DOK6: variants seen among roughly 807,000 people sequenced by gnomAD.
The protein encoded by DOK6 is docking protein 6.
In DOK6, 22 loss-of-function variants were observed where a neutral mutation model predicts 44.0. That is an observed-to-expected ratio of 0.50 (90% CI 0.36 to 0.71). The LOEUF is 0.71. Ranked by LOEUF, DOK6 falls within the 30% of genes least tolerant of loss-of-function variation. DOK6 has a pLI of 0.00. For missense variants in DOK6, 340 were observed against 416.4 expected (o/e 0.82, Z 1.60); for synonymous variants, 166 against 145.5 (o/e 1.14, Z -1.01).
chr18:69,469,880 G>A lies in DOK6; in HGVS notation c.66+68570G>A, dbSNP rs1053961229. ...ACTGTTTGTGCCGACCCTTCCCCAG[G>A]AAGTGACGGCATCTGCTTCTGGGTC... On this transcript the variant is annotated intron_variant, in intron 1 of 7. Coordinates refer to ENST00000382713, the MANE Select transcript of DOK6 (RefSeq NM_152721.6). 3.0e-5 allele frequency: 7 copies of A among 234,580 alleles called. No homozygotes were observed. In the East Asian group the frequency reaches 4.8e-4, roughly 16 times the overall value. 14.5% of individuals were successfully genotyped at this position (234,580 alleles called of 1,614,324 possible).
At chr18:69,811,023 ACAG>A (rs1472734662) in intron 7 of DOK6, among the ~76,000 whole-genome samples, 4 of 152,084 alleles carry the variant, frequency 2.6e-5, no homozygotes, top group African/African-American at 9.7e-5. Context: ...AGCATTATTC[ACAG>A]TAGCTAAGAT....
intron 1 of DOK6, among the ~76,000 whole-genome samples, chr18:69,458,140 A>G (rs897298522): frequency 6.6e-6 from 1 of 152,214 alleles, no homozygotes; most frequent in Non-Finnish European, 1.5e-5. Context: ...CCTGGGCAAC[A>G]AGAGCAAACC....
chr18:69,794,050 G>C (rs959485020), intron 7 of DOK6, among the ~76,000 whole-genome samples: 2 of 152,098 alleles, frequency 1.3e-5, no homozygotes, highest in Non-Finnish European at 2.9e-5. Context: ...TACTCAGAGT[G>C]ATAAACGACA....
intron 5 of DOK6, among the ~76,000 whole-genome samples, chr18:69,724,467 T>C (rs1978296458): frequency 6.6e-6 from 1 of 152,236 alleles, no homozygotes; most frequent in African/African-American, 2.4e-5. Flanking sequence ...ATTTACAATA[T>C]GCAGCCAAGG....
rs1022946695 is a variant in DOK6, at chr18:69,665,378, C to G, written c.290-12356C>G. Among the ~76,000 whole-genome samples, 9 of 152,200 alleles carry G rather than the reference C, an allele frequency of 5.9e-5. 1 individual carries two copies. Among genetic ancestry groups the G allele is most frequent in the Non-Finnish European group, 1.2e-4 (8 of 68,000 alleles). ...ATGGGATAGACAGTTTCAGAGCCTC[C>G]TTGCTATGTGGAATGAGGTATTTGA... On this transcript the variant is annotated intron_variant, in intron 3 of 7. Coordinates refer to ENST00000382713, the MANE Select transcript of DOK6 (RefSeq NM_152721.6).
At chr18:69,839,989 G>A (rs1982169176) in intron 7 of DOK6, among the ~76,000 whole-genome samples, 1 of 152,116 alleles carries the variant, frequency 6.6e-6, no homozygotes, top group Admixed American at 6.5e-5. Context: ...TGGTTCTACC[G>A]CTAAGTGGTT....
intron 1 of DOK6, chr18:69,469,443 CT>C (rs71176968): frequency 0.6 from 87,199 of 146,214 alleles, 26,601 homozygotes; most frequent in East Asian, 0.8. Flanking sequence ...ATAATTACGG[CT>C]TTTTTTTTTT....
chr18:69,721,807 A>G (rs1251002686), intron 5 of DOK6, among the ~76,000 whole-genome samples: 1 of 152,240 alleles, frequency 6.6e-6, no homozygotes, highest in East Asian at 1.9e-4. Context: ...TCCAGTTACA[A>G]AAGACAACCT....
chr18:69,720,579 C>CT (rs1418975439), intron 5 of DOK6, among the ~76,000 whole-genome samples: 1 of 152,148 alleles, frequency 6.6e-6, no homozygotes, highest in Non-Finnish European at 1.5e-5. Context: ...TGAAAGTCTT[C>CT]ATCAAATTTT....
At chr18:69,537,853 T>C (rs1171840804) in intron 1 of DOK6, among the ~76,000 whole-genome samples, 8 of 152,218 alleles carry the variant, frequency 5.3e-5, no homozygotes, top group Non-Finnish European at 1.0e-4. Flanking sequence ...TAAAAGTATA[T>C]TGACATAACA....
At chr18:69,676,250 A>C (rs904452781) in intron 3 of DOK6, among the ~76,000 whole-genome samples, 1 of 152,248 alleles carries the variant, frequency 6.6e-6, no homozygotes, top group African/African-American at 2.4e-5. Flanking sequence ...ACAGGATCCC[A>C]TGGGGAACTG....
chr18:69,664,016 C>A, intron 3 of DOK6, among the ~76,000 whole-genome samples: 1 of 152,022 alleles, frequency 6.6e-6, no homozygotes, highest in East Asian at 1.9e-4. Flanking sequence ...GACTAGGCAA[C>A]AAATACATTT....
chr18:69,709,818 CTT>C (rs1335190143), intron 5 of DOK6, among the ~76,000 whole-genome samples: 2 of 152,032 alleles, frequency 1.3e-5, no homozygotes, highest in African/African-American at 4.8e-5. Context: ...CTTCTAATAT[CTT>C]TACTTGCTTA....
At chr18:69,542,531 C>T (rs1056499825) in intron 1 of DOK6, among the ~76,000 whole-genome samples, 2 of 151,452 alleles carry the variant, frequency 1.3e-5, no homozygotes, top group Admixed American at 6.6e-5. Context: ...AATCTAGAAC[C>T]CCTCCAAGTC....
intron 5 of DOK6, among the ~76,000 whole-genome samples, chr18:69,719,518 A>C (rs1190959514): frequency 6.6e-6 from 1 of 152,212 alleles, no homozygotes; most frequent in Admixed American, 6.5e-5. Context: ...CAATTATAGA[A>C]AGGCAAACTA....
intron 7 of DOK6, among the ~76,000 whole-genome samples, chr18:69,796,830 G>A (rs1437762271): frequency 6.6e-6 from 1 of 152,174 alleles, no homozygotes; most frequent in Non-Finnish European, 1.5e-5. Context: ...GAGTAGGCTA[G>A]AATATTGAAG....
chr18:69,559,883 T>G (rs920306025), intron 1 of DOK6, among the ~76,000 whole-genome samples: 2 of 152,118 alleles, frequency 1.3e-5, no homozygotes, highest in Non-Finnish European at 2.9e-5. Context: ...GAAAGCAAGT[T>G]GTCTCCTATG....
intron 1 of DOK6, among the ~76,000 whole-genome samples, chr18:69,436,260 C>T (rs1480344687): frequency 6.6e-6 from 1 of 151,028 alleles, no homozygotes; most frequent in Admixed American, 6.6e-5. Flanking sequence ...TGGTGGTTTG[C>T]TGCACCCATC....
rs534936274 is a variant in DOK6 at position 69,722,111 on chromosome 18, T to C, written c.600-16854T>C. 1.3e-4 allele frequency among the ~76,000 whole-genome samples: 20 copies of C among 152,332 alleles called. No individual in the cohort carries two copies. The South Asian group carries it at 3.9e-3, about 30-fold the overall frequency. On this transcript the variant is annotated intron_variant, in intron 5 of 7. Transcript: ENST00000382713. ...CAATGGAAATCTTAATTCCATATTA[T>C]AAAATGAAATCATATGTTTGGGTCT...
Sources: gnomAD v4.1 joint callset for allele counts (sites outside exome capture counted in the v4.1 genomes callset) on GRCh38, gnomAD v4.1.1 for gene constraint, MANE v1.5 for transcripts, NCBI Gene and HGNC (gene_info 2026-07-23, HGNC 2026-07-21) for gene names.